The following PCDHGC3 variants were observed in gnomAD, a reference collection of about 807,000 sequenced individuals.
The protein encoded by PCDHGC3 is protocadherin gamma-C3.
In PCDHGC3, 26 loss-of-function variants were observed where a neutral mutation model predicts 59.2. The ratio of observed to expected loss-of-function variants is 0.44; its 90% CI spans 0.32 to 0.61. The LOEUF is 0.61. Among genes scored for constraint, PCDHGC3 ranks in the 20% least tolerant of loss-of-function variants. The pLI is 0.05. For synonymous variants in PCDHGC3, 487 were observed against 519.7 expected (o/e 0.94, Z 0.86); for missense variants, 1,080 against 1,221.8 (o/e 0.88, Z 1.73).
In PCDHGC3 at chr5:141,491,533, C is replaced by G. The variant is rs758270791; in HGVS notation, c.2431-3274C>G. 4.3e-6 allele frequency: 7 copies of G among 1,614,010 alleles called. No homozygotes were observed. The highest frequency in any genetic ancestry group is 5.1e-6 in the Non-Finnish European group (6 of 1,180,028). ...GCTCAAGTACATGGAGGTGACGCTGCGGCCCACAGACTCGCAGAGCCACTG... is the reference window on the plus strand; with the variant it reads ...GCTCAAGTACATGGAGGTGACGCTGGGGCCCACAGACTCGCAGAGCCACTG... On this transcript the variant is annotated intron_variant, in intron 1 of 3. Transcript: ENST00000308177. The surrounding 1 kb of genome is among the most constrained non-coding windows in gnomAD (Gnocchi z 6.9).
rs781026604 is a variant in PCDHGC3, at chr5:141,490,471, C to A, written c.2431-4336C>A. The A allele has an allele frequency of 6.2e-7, 1 of 1,614,214 alleles. No individual in the cohort carries two copies. The highest frequency in any genetic ancestry group is 1.1e-5 in the South Asian group (1 of 91,088). On this transcript the variant is annotated intron_variant, in intron 1 of 3. Transcript: ENST00000308177. This position sits in a 1 kb window ranked among gnomAD's most constrained non-coding sequence, Gnocchi z 5.4. ...CCACTACTCGCTGCTAACCAGCCAGCCTTTGGACCGGGAGGCCACATCCCA... is the reference window on the plus strand; with the variant it reads ...CCACTACTCGCTGCTAACCAGCCAGACTTTGGACCGGGAGGCCACATCCCA...
intron 3 of PCDHGC3, among the ~76,000 whole-genome samples, chr5:141,510,518 GC>G (rs2099881500): frequency 6.6e-6 from 1 of 152,112 alleles, no homozygotes; most frequent in Non-Finnish European, 1.5e-5. Context: ...CCGTGTCACA[GC>G]CCTGAGAGAA....
In PCDHGC3 at chr5:141,476,477, G is replaced by T. The variant is rs768824553; in HGVS notation, c.361G>T (p.Val121Leu). The T allele has an allele frequency of 1.9e-6, 3 of 1,614,078 alleles. No homozygotes were observed. The highest frequency in any genetic ancestry group is 1.7e-5 in the Admixed American group (1 of 60,016). The part of the protein sequence containing the change: ...VVENPLELFS[V>L]EVVIQDINDN... Reference sequence around the variant, plus strand: ...GGAGAACCCGCTGGAGCTGTTCAGCGTGGAAGTGGTGATCCAGGACATCAA... The same window carrying T: ...GGAGAACCCGCTGGAGCTGTTCAGCTTGGAAGTGGTGATCCAGGACATCAA... Residue 121 changes from valine to leucine, a missense_variant, in exon 1 of 4, where the codon GTG becomes TTG. Val to Leu is a conservative substitution (Grantham distance 32). Coordinates refer to ENST00000308177, the MANE Select transcript of PCDHGC3 (RefSeq NM_002588.4). This position sits in a 1 kb window ranked among gnomAD's most constrained non-coding sequence, Gnocchi z 7.6.
chr5:141,490,317 C>A lies in PCDHGC3; in HGVS notation c.2431-4490C>A, dbSNP rs2233604. ...TATTGGCCTCTTTGGCCAACCCTGT[C>A]CTAGAGAGCACACCAGTGGGCACAG... On this transcript the variant is annotated intron_variant, in intron 1 of 3. Coordinates refer to ENST00000308177, the MANE Select transcript of PCDHGC3 (RefSeq NM_002588.4). The surrounding 1 kb of genome is among the most constrained non-coding windows in gnomAD (Gnocchi z 5.4). 32,069 of 1,614,158 alleles carry A rather than the reference C, an allele frequency of 0.02. 521 individuals carry two copies. Among genetic ancestry groups the A allele is most frequent in the African/African-American group, 0.081 (6,098 of 75,022 alleles).
Position 141,494,864 on chromosome 5 carries a change from G to T in PCDHGC3, c.2488G>T (p.Gly830Cys), listed in dbSNP as rs773899530. 12 of 1,613,950 alleles carry T rather than the reference G, an allele frequency of 7.4e-6. No individual in the cohort carries two copies. Among genetic ancestry groups the T allele is most frequent in the South Asian group, 1.1e-5 (1 of 91,080 alleles). ...TCAGGCCCAGAGACCCGGCACCAGC[G>T]GGTAGGTGACTGATTCTCCAGCCCA... Reference protein sequence around the residue: ...FSQAQRPGTSGSQNGDDTGTW... With the variant: ...FSQAQRPGTSCSQNGDDTGTW... Residue 830 changes from glycine to cysteine, a missense_variant and splice_region_variant, in exon 2 of 4, where the codon GGC becomes TGC. Physicochemically the swap from Gly to Cys is radical, Grantham distance 159 (BLOSUM62 -3). Coordinates refer to ENST00000308177, the MANE Select transcript of PCDHGC3 (RefSeq NM_002588.4).
At position 141,485,073 on chromosome 5, in the gene PCDHGC3, C is replaced by T. The variant is rs1167407526; in HGVS notation, c.2430+6527C>T. ...CGGCCGAACCGCGCCAGAGCTGGCG[C>T]GGGGAAAGGGAGATAGGTGTCTCCA... On this transcript the variant is annotated intron_variant, in intron 1 of 3. Transcript: ENST00000308177. The surrounding 1 kb of genome is among the most constrained non-coding windows in gnomAD (Gnocchi z 5.7). 3.3e-6 allele frequency: 3 copies of T among 922,354 alleles called. No homozygotes were observed. The highest frequency in any genetic ancestry group is 4.8e-5 in the East Asian group (2 of 41,404). 57.1% of individuals were successfully genotyped at this position (922,354 alleles called of 1,614,324 possible).
Position 141,477,483 on chromosome 5 carries a change from A to G in PCDHGC3, c.1367A>G (p.Gln456Arg). The G allele has an allele frequency of 6.2e-7, 1 of 1,614,028 alleles. No individual in the cohort carries two copies. Residue 456 changes from glutamine to arginine, a missense_variant, in exon 1 of 4, where the codon CAA becomes CGA. Gln to Arg is a conservative substitution (Grantham distance 43). Coordinates refer to ENST00000308177, the MANE Select transcript of PCDHGC3 (RefSeq NM_002588.4). The surrounding 1 kb of genome is among the most constrained non-coding windows in gnomAD (Gnocchi z 4.9). ...QVSDINDNPP[Q>R]SSQSSYDVYI... ...TCCGACATCAATGACAACCCTCCAC[A>G]ATCTTCTCAATCTTCCTACGACGTT...
chr5:141,509,350 G>C (rs2099876432), intron 3 of PCDHGC3, among the ~76,000 whole-genome samples: 5 of 152,142 alleles, frequency 3.3e-5, no homozygotes. Flanking sequence ...GGGCTGGCCT[G>C]GGCATCCCTG....
intron 1 of PCDHGC3, chr5:141,478,917 T>A: frequency 1.3e-6 from 1 of 772,666 alleles, no homozygotes; most frequent in Middle Eastern, 3.9e-4. Flanking sequence ...TGGATACCTC[T>A]AACCAGTGGC....
chr5:141,495,735 T>C (rs1595351919), intron 2 of PCDHGC3, among the ~76,000 whole-genome samples: 1 of 152,044 alleles, frequency 6.6e-6, no homozygotes, highest in Admixed American at 6.5e-5. Context: ...CCTTAGTCTC[T>C]TTCTCCTTCT....
At chr5:141,498,419 G>A (rs78940285) in intron 2 of PCDHGC3, among the ~76,000 whole-genome samples, 4,023 of 152,260 alleles carry the variant, frequency 0.026, 75 homozygotes, top group Non-Finnish European at 0.043. Flanking sequence ...TGCTGGCACT[G>A]GAGTGAGGGG....
At position 141,512,967 on chromosome 5, in the gene PCDHGC3, T is replaced by C. The variant is rs2099884538; in HGVS notation, c.*1794T>C. ...CGACAAAAAAATAATAAAACGTTTC[T>C]TCTGAAAAGCTGAACGTTTCTGTAT... On this transcript the variant is annotated 3_prime_UTR_variant, in exon 4 of 4. Transcript: ENST00000308177. The C allele has an allele frequency of 6.6e-6, 1 of 152,260 alleles. No individual in the cohort carries two copies. Among genetic ancestry groups the C allele is most frequent in the South Asian group, 2.1e-4 (1 of 4,832 alleles). The allele number at this position is 152,260 out of a possible 1,614,324, so 9.4% of individuals were successfully genotyped here.
Position 141,485,605 on chromosome 5 carries a change from G to A in PCDHGC3, c.2430+7059G>A. On this transcript the variant is annotated intron_variant, in intron 1 of 3. Transcript: ENST00000308177. This position sits in a 1 kb window ranked among gnomAD's most constrained non-coding sequence, Gnocchi z 5.7. The stretch of plus-strand genomic sequence containing the variant: ...AGCAGCTGGACTTGGAAATTGGGGA[G>A]GCAGCTCCTCCAGGACAGCGTTTCC... 6.2e-7 allele frequency: 1 copy of A among 1,612,448 alleles called. No homozygotes were observed. Among genetic ancestry groups the A allele is most frequent in the Non-Finnish European group, 8.5e-7 (1 of 1,178,750 alleles).
chr5:141,489,293 T>G lies in PCDHGC3; in HGVS notation c.2431-5514T>G. The G allele has an allele frequency of 6.3e-7, 1 of 1,579,940 alleles. No homozygotes were observed. Among genetic ancestry groups the G allele is most frequent in the Non-Finnish European group, 8.6e-7 (1 of 1,162,928 alleles). ...GCTGGGAAATGGCAAGTGCTGTGCA[T>G]GTTGTCCTTGTGCTGCTGGGGCTGG... On this transcript the variant is annotated intron_variant, in intron 1 of 3. Transcript: ENST00000308177. This position sits in a 1 kb window ranked among gnomAD's most constrained non-coding sequence, Gnocchi z 4.5.
chr5:141,500,870 A>C (rs2099803097), intron 2 of PCDHGC3, among the ~76,000 whole-genome samples: 1 of 139,794 alleles, frequency 7.2e-6, no homozygotes, highest in African/African-American at 2.8e-5. Context: ...ATACACATTC[A>C]TTTACAATTT....
At chr5:141,498,971 G>GGGAGGGAAGGAAGGAAGGAAGGAA (rs2099787588) in intron 2 of PCDHGC3, among the ~76,000 whole-genome samples, 6 of 110,972 alleles carry the variant, frequency 5.4e-5, no homozygotes, top group Admixed American at 5.3e-4. Flanking sequence ...GAGGGAGGGA[G>GGGAGGGAAGGAAGGAAGGAAGGAA]GGAAGGAAGG....
chr5:141,485,666 A>G lies in PCDHGC3; in HGVS notation c.2430+7120A>G. ...GGCTCAGGATGCAGATGTGGGGAGC[A>G]ATTCGATTAGCAGCTATAGGCTGAG... On this transcript the variant is annotated intron_variant, in intron 1 of 3. Coordinates refer to ENST00000308177, the MANE Select transcript of PCDHGC3 (RefSeq NM_002588.4). The surrounding 1 kb of genome is among the most constrained non-coding windows in gnomAD (Gnocchi z 5.7). 1 of 1,612,786 alleles carries G rather than the reference A, an allele frequency of 6.2e-7. No homozygotes were observed. Among genetic ancestry groups the G allele is most frequent in the Non-Finnish European group, 8.5e-7 (1 of 1,178,960 alleles).
In PCDHGC3 at chr5:141,486,223, C is replaced by G. The variant is rs1164723634; in HGVS notation, c.2430+7677C>G. ...ACGTAAATGACAATGCCCCTTACATCACAGTGACCTCAGAGCTTGGAACCC... is the reference window on the plus strand; with the variant it reads ...ACGTAAATGACAATGCCCCTTACATGACAGTGACCTCAGAGCTTGGAACCC... On this transcript the variant is annotated intron_variant, in intron 1 of 3. Coordinates refer to ENST00000308177, the MANE Select transcript of PCDHGC3 (RefSeq NM_002588.4). The surrounding 1 kb of genome is among the most constrained non-coding windows in gnomAD (Gnocchi z 5.0). The G allele has an allele frequency of 6.2e-7, 1 of 1,614,148 alleles. No homozygotes were observed. Among genetic ancestry groups the G allele is most frequent in the Admixed American group, 1.7e-5 (1 of 60,032 alleles).
chr5:141,477,571 C>A lies in PCDHGC3; in HGVS notation c.1455C>A (p.Asp485Glu), dbSNP rs1470454976. ...TAAACCTAAGTGTCTGGGACCCCGA[C>A]GCCCCGCAGAATGCTCGGCTTTCTT... is the stretch of plus-strand genomic sequence containing the variant. The part of the protein sequence containing the change: ...PILNLSVWDP[D>E]APQNARLSFF... Residue 485 changes from aspartate to glutamate, a missense_variant, in exon 1 of 4, where the codon GAC becomes GAA. Coordinates refer to ENST00000308177, the MANE Select transcript of PCDHGC3 (RefSeq NM_002588.4). The surrounding 1 kb of genome is among the most constrained non-coding windows in gnomAD (Gnocchi z 4.9). The A allele has an allele frequency of 3.1e-6, 5 of 1,614,042 alleles. No homozygotes were observed. In the South Asian group the frequency reaches 4.4e-5, roughly 14 times the overall value.
Sources: gnomAD v4.1 joint callset for allele counts (sites outside exome capture counted in the v4.1 genomes callset) on GRCh38, gnomAD v4.1.1 for gene constraint, Gnocchi (gnomAD v3.1) non-coding constraint, MANE v1.5 for transcripts, NCBI Gene and HGNC (gene_info 2026-07-23, HGNC 2026-07-21) for gene names.